The following CDH26 variants were observed in gnomAD, a reference collection of about 807,000 sequenced individuals.
The protein encoded by CDH26 is cadherin-like protein 26.
A neutral mutation model predicts 90.3 loss-of-function variants in CDH26; 83 were observed. The observed-to-expected ratio is 0.92, with a 90% CI of 0.77 to 1.10. CDH26 has a LOEUF of 1.10. Ranked by LOEUF, CDH26 falls within the 50% of genes least tolerant of loss-of-function variation. The pLI is 0.00. For synonymous variants in CDH26, 397 were observed against 396.3 expected, an observed-to-expected ratio of 1.00 and a Z score of -0.02; for missense variants, 1,013 against 1,037.6, an observed-to-expected ratio of 0.98 and a Z score of 0.33.
At chr20:60,005,691 T>C (rs2061739321) in intron 16 of CDH26, among the ~76,000 whole-genome samples, 1 of 152,186 alleles carries the variant, frequency 6.6e-6, no homozygotes, top group South Asian at 2.1e-4. Flanking sequence ...AATTTAAGAC[T>C]TCCTGTTGGC....
chr20:60,020,350 A>G (rs1220758186), intron 7 of CDH26, among the ~76,000 whole-genome samples: 1 of 152,022 alleles, frequency 6.6e-6, no homozygotes, highest in African/African-American at 2.4e-5. Flanking sequence ...TGGCCTGGGG[A>G]TGTATCAGCT....
At chr20:59,962,546 C>T (rs1408632271) in intron 1 of CDH26, among the ~76,000 whole-genome samples, 5 of 152,182 alleles carry the variant, frequency 3.3e-5, no homozygotes, top group Non-Finnish European at 4.4e-5. Flanking sequence ...AGATTAGGGC[C>T]CACTCTAACC....
In CDH26 at chr20:60,012,552, A is replaced by C. The variant is rs765317710; in HGVS notation, c.2321A>C (p.Glu774Ala). ...NQKLHVANVL[E>A]DDPGYLPHVY... ...AAACTCCATGTTGCCAATGTGCTGG[A>C]AGATGACCCCGGCTACCTACCTCAC... The change falls in exon 18 of 18, where the codon GAA becomes GCA. Residue 774 changes from glutamate (E) to alanine (A), a missense_variant. Glu to Ala is a moderately radical substitution (Grantham distance 107, BLOSUM62 -1). Transcript: ENST00000348616. 8.7e-6 allele frequency: 14 copies of C among 1,613,842 alleles called. No homozygotes were observed. Among genetic ancestry groups the C allele is most frequent in the African/African-American group, 1.3e-5 (1 of 74,918 alleles).
intron 9 of CDH26, among the ~76,000 whole-genome samples, 156 bp downstream of exon 9, chr20:59,989,319 G>T (rs1309637169): frequency 2.0e-5 from 3 of 151,956 alleles, no homozygotes; most frequent in Admixed American, 1.3e-4. Flanking sequence ...ATGAGGTCAA[G>T]AGATCGAGAC....
downstream of CDH26, among the ~76,000 whole-genome samples, chr20:60,016,429 A>G (rs971340166): frequency 1.3e-5 from 2 of 152,164 alleles, no homozygotes; most frequent in East Asian, 1.9e-4. Context: ...TTGTTCATGT[A>G]TAGAAATGCT....
intron 1 of CDH26, among the ~76,000 whole-genome samples, chr20:59,960,885 T>C (rs1433615250): frequency 6.6e-6 from 1 of 152,146 alleles, no homozygotes; most frequent in Non-Finnish European, 1.5e-5. Flanking sequence ...GCAATATTCA[T>C]TCAGAGCTCA....
chr20:59,959,313 TG>T (rs1364671518), intron 1 of CDH26, among the ~76,000 whole-genome samples: 1 of 152,188 alleles, frequency 6.6e-6, no homozygotes, highest in Non-Finnish European at 1.5e-5. Context: ...TTGCCCAGGC[TG>T]GTCTCGAACT....
chr20:59,981,689 C>T (rs903345562), intron 4 of CDH26, among the ~76,000 whole-genome samples: 2 of 152,034 alleles, frequency 1.3e-5, no homozygotes, highest in Non-Finnish European at 2.9e-5. Flanking sequence ...GAACTTTTAA[C>T]TCTAGATTCA....
In CDH26 at chr20:59,983,083, G is replaced by C. The variant is rs753386061; in HGVS notation, c.541+13G>C. The C allele has an allele frequency of 1.2e-6, 2 of 1,611,650 alleles. No individual in the cohort carries two copies. The highest frequency in any genetic ancestry group is 1.7e-4 in the Middle Eastern group (1 of 6,050). On this transcript the variant is annotated intron_variant, in intron 5 of 17. Coordinates refer to ENST00000348616, the MANE Select transcript of CDH26 (RefSeq NM_177980.4). ...AACCAATCTGCAGGTGTGTGCGGCT[G>C]GGGGGCTGCCGGGCTTCCTTCTGTC... is the stretch of plus-strand genomic sequence containing the variant.
At position 60,031,375 on chromosome 20, in the gene CDH26, G is replaced by C; in HGVS notation, c.1093G>C (p.Ala365Pro). The change falls in exon 8 of 9, where the codon GCT becomes CCT. Residue 365 changes from alanine (A) to proline (P), a missense_variant. Transcript: ENST00000370991. ...GCAGACTGGTAAACGGAAACACGGG[G>C]CTTTGGCTCGAACACCCTCTTTCAA... 2.4e-6 allele frequency: 3 copies of C among 1,258,930 alleles called. No homozygotes were observed. In the South Asian group the frequency reaches 4.1e-5, roughly 17 times the overall value. 78.0% of individuals were successfully genotyped at this position (1,258,930 alleles called of 1,614,324 possible).
At chr20:59,960,267 T>C (rs934088060) in intron 1 of CDH26, among the ~76,000 whole-genome samples, 1 of 152,146 alleles carries the variant, frequency 6.6e-6, no homozygotes, top group African/African-American at 2.4e-5. Context: ...CTATTTTTCT[T>C]CACCTGAAAA....
Position 60,013,984 on chromosome 20 carries a change from G to A in CDH26, c.*1254G>A, listed in dbSNP as rs2061881737. The A allele has an allele frequency of 6.6e-6, 1 of 151,224 alleles. No homozygotes were observed. Among genetic ancestry groups the A allele is most frequent in the Non-Finnish European group, 1.5e-5 (1 of 67,848 alleles). The allele number at this position is 151,224 out of a possible 1,614,324, so 9.4% of individuals were successfully genotyped here. On this transcript the variant is annotated 3_prime_UTR_variant, in exon 18 of 18. Coordinates refer to ENST00000348616, the MANE Select transcript of CDH26 (RefSeq NM_177980.4). ...AGCATGACTCAGAGGACAGTCTAGG[G>A]CATTTTCTGGGTAATTCAGGATAAA...
chr20:59,989,534 CAA>C (rs924037162), intron 9 of CDH26, among the ~76,000 whole-genome samples: 2,426 of 74,874 alleles, frequency 0.032, 64 homozygotes, highest in African/African-American at 0.084. Context: ...GACTCCGTCT[CAA>C]AAAAAAAAAA....
chr20:60,029,973 C>T (rs2062028119), intron 7 of CDH26, among the ~76,000 whole-genome samples: 1 of 151,950 alleles, frequency 6.6e-6, no homozygotes, highest in African/African-American at 2.4e-5. Flanking sequence ...CAAAGGAACA[C>T]ATGGTCACTG....
intron 1 of CDH26, among the ~76,000 whole-genome samples, chr20:59,965,135 G>C (rs1403358905): frequency 1.3e-5 from 2 of 152,118 alleles, no homozygotes; most frequent in Non-Finnish European, 2.9e-5. Context: ...TTTTCCTTCA[G>C]GTAAATAGAC....
intron 7 of CDH26, among the ~76,000 whole-genome samples, chr20:59,985,855 C>T (rs1455843003): frequency 1.3e-5 from 2 of 152,084 alleles, no homozygotes; most frequent in East Asian, 1.9e-4. Flanking sequence ...AACTACAACA[C>T]GATTTCTGTT....
At chr20:59,996,236 A>G in intron 12 of CDH26, 182 bp downstream of exon 12, 1 of 1,022,932 alleles carries the variant, frequency 9.8e-7, no homozygotes, top group East Asian at 2.6e-5. Flanking sequence ...CTGGCCAGGC[A>G]AGATCCCTGG....
chr20:60,033,579 C>T (rs913011918), exon 9 of CDH26: 14 of 1,304,512 alleles, frequency 1.1e-5, no homozygotes, highest in African/African-American at 3.0e-5. Flanking sequence ...GTCCAGAGTG[C>T]GCATTCCCCA....
chr20:60,003,993 T>G (rs576666769), intron 16 of CDH26, among the ~76,000 whole-genome samples: 18 of 152,312 alleles, frequency 1.2e-4, no homozygotes, highest in African/African-American at 4.3e-4. Flanking sequence ...CCATGCTTGG[T>G]CAGTGAGCAT....
Sources: gnomAD v4.1 joint callset for allele counts (sites outside exome capture counted in the v4.1 genomes callset) on GRCh38, gnomAD v4.1.1 for gene constraint, MANE v1.5 for transcripts, NCBI Gene and HGNC (gene_info 2026-07-23, HGNC 2026-07-21) for gene names.